Variants in KDR observed in about 807,000 individuals in gnomAD.
KDR encodes the protein vascular endothelial growth factor receptor 2.
A neutral mutation model predicts 160.9 loss-of-function variants in KDR; 43 were observed. The ratio of observed to expected loss-of-function variants is 0.27; its 90% CI spans 0.21 to 0.34. KDR has a LOEUF of 0.34. Ranked by LOEUF, KDR falls within the 10% of genes least tolerant of loss-of-function variation. KDR has a pLI of 1.00. For missense variants in KDR, 1,469 were observed against 1,666.4 expected (o/e 0.88, Z 2.06); for synonymous variants, 617 against 600.1 (o/e 1.03, Z -0.41).
rs529955023 is a variant in KDR at position 55,081,284 on chromosome 4, C to T, written c.3848+672G>A. Among the ~76,000 whole-genome samples, 62 of 152,144 alleles carry T rather than the reference C, an allele frequency of 4.1e-4. 1 individual carries two copies. The highest frequency in any genetic ancestry group is 3.4e-3 in the Middle Eastern group (1 of 292). ...GATTATAAGCAGATCAAAACCTCCT[C>T]TATTCTTACCTTTAGGTAAGAATAC... is the stretch of plus-strand genomic sequence containing the variant. On this transcript the variant is annotated intron_variant, in intron 29 of 29. Coordinates refer to ENST00000263923, the MANE Select transcript of KDR (RefSeq NM_002253.4).
At chr4:55,102,095 T>C in intron 14 of KDR, 67 bp from the exon 15 acceptor site, 1 of 1,603,360 alleles carries the variant, frequency 6.2e-7, no homozygotes, top group Non-Finnish European at 8.5e-7. Context: ...TTCAGGGAAA[T>C]TTAGAAAATA....
At chr4:55,098,082 A>T in intron 17 of KDR, 55 bp downstream of exon 17, 1 of 1,596,926 alleles carries the variant, frequency 6.3e-7, no homozygotes, top group Admixed American at 1.7e-5. Context: ...ATTCTAATGG[A>T]GGAAGAGATG....
chr4:55,082,511 G>T (rs902199058), intron 28 of KDR, 25 bp downstream of exon 28: 1 of 1,476,362 alleles, frequency 6.8e-7, no homozygotes, highest in Admixed American at 1.7e-5. Context: ...TTATTTCTAA[G>T]ACTATTTTTA....
In KDR at chr4:55,115,056, A is replaced by G. The variant is rs1396721390; in HGVS notation, c.490-14T>C. On this transcript the variant is annotated splice_polypyrimidine_tract_variant and intron_variant, in intron 4 of 29. Coordinates refer to ENST00000263923, the MANE Select transcript of KDR (RefSeq NM_002253.4). Reference sequence around the variant, plus strand: ...TTCTGGGTATCTCTGGGTAATAAAAAGACATATCAAATATTTAATCCAGTA... The same window carrying G: ...TTCTGGGTATCTCTGGGTAATAAAAGGACATATCAAATATTTAATCCAGTA... 2 of 1,605,978 alleles carry G rather than the reference A, an allele frequency of 1.2e-6. No individual in the cohort carries two copies. Among genetic ancestry groups the G allele is most frequent in the Non-Finnish European group, 8.5e-7 (1 of 1,173,200 alleles).
intron 24 of KDR, 95 bp from the exon 25 acceptor site, chr4:55,089,568 C>CT (rs1305670128): frequency 6.4e-6 from 8 of 1,244,578 alleles, no homozygotes; most frequent in South Asian, 1.2e-5. Context: ...ACCTATGTAT[C>CT]TATTTTTTTT....
At chr4:55,107,312 T>C (rs1431891046) in intron 10 of KDR, among the ~76,000 whole-genome samples, 1 of 152,132 alleles carries the variant, frequency 6.6e-6, no homozygotes, top group Non-Finnish European at 1.5e-5. Context: ...CATGATAAGC[T>C]GGGCCTGAGA....
At chr4:55,104,573 G>T in intron 13 of KDR, 70 bp downstream of exon 13, 2 of 1,170,474 alleles carry the variant, frequency 1.7e-6, no homozygotes, top group Non-Finnish European at 1.3e-6. Context: ...TCTTTGCATA[G>T]CACCTGAATT....
At chr4:55,105,025 T>C in intron 12 of KDR, 41 bp from the exon 13 acceptor site, 1 of 1,502,590 alleles carries the variant, frequency 6.7e-7, no homozygotes, top group Non-Finnish European at 9.2e-7. Flanking sequence ...GTGATTTAAC[T>C]TGGTACAGCT....
At chr4:55,099,389 C>G (rs1346579051) in intron 15 of KDR, among the ~76,000 whole-genome samples, 7 of 151,984 alleles carry the variant, frequency 4.6e-5, no homozygotes, top group Admixed American at 4.6e-4. Flanking sequence ...CAATAAAATT[C>G]TTAAGTAATT....
intron 15 of KDR, among the ~76,000 whole-genome samples, chr4:55,099,837 A>T (rs1267268833): frequency 2.0e-5 from 3 of 152,060 alleles, no homozygotes; most frequent in Non-Finnish European, 4.4e-5. Flanking sequence ...TACATACACT[A>T]CCCCATCCCT....
Position 55,079,013 on chromosome 4 carries a change from C to A in KDR, c.*928G>T, listed in dbSNP as rs990323923. 6.0e-5 allele frequency: 14 copies of A among 233,142 alleles called. No homozygotes were observed. The highest frequency in any genetic ancestry group is 2.2e-5 in the African/African-American group (1 of 45,338). The allele number at this position is 233,142 out of a possible 1,614,324, so 14.4% of individuals were successfully genotyped here. On this transcript the variant is annotated 3_prime_UTR_variant, in exon 30 of 30. Transcript: ENST00000263923. ...ACACACAGCTTCACATTGAACCTCC[C>A]GCATTCAGTCTCAGACATATCACAT... is the stretch of plus-strand genomic sequence containing the variant.
chr4:55,124,870 C>T (rs924571652), intron 1 of KDR, among the ~76,000 whole-genome samples: 3 of 152,168 alleles, frequency 2.0e-5, no homozygotes, highest in Non-Finnish European at 4.4e-5. Flanking sequence ...AACTTTTCAC[C>T]GCCTGTTCTC....
chr4:55,107,496 G>T (rs1720473767), intron 10 of KDR, among the ~76,000 whole-genome samples: 1 of 152,184 alleles, frequency 6.6e-6, no homozygotes, highest in African/African-American at 2.4e-5. Flanking sequence ...TGTGTTTGGA[G>T]AAGTGTACCT....
chr4:55,097,419 T>C (rs1197845027), intron 18 of KDR, among the ~76,000 whole-genome samples: 1 of 152,172 alleles, frequency 6.6e-6, no homozygotes, highest in Non-Finnish European at 1.5e-5. Context: ...GGCTGAGCCC[T>C]GCACGAGGGT....
chr4:55,101,794 C>T, intron 15 of KDR, 103 bp downstream of exon 15: 2 of 1,006,804 alleles, frequency 2.0e-6, no homozygotes, highest in Non-Finnish European at 3.1e-6. Context: ...TAATGGCTTC[C>T]AGCTCCATCC....
intron 20 of KDR, 87 bp from the exon 21 acceptor site, chr4:55,095,042 G>A (rs553084690): frequency 7.8e-7 from 1 of 1,288,014 alleles, no homozygotes; most frequent in South Asian, 1.2e-5. Context: ...AGTAAACCAT[G>A]GAGATAATTG....
At position 55,095,562 on chromosome 4, in the gene KDR, TAGG is replaced by T. The variant is rs562331098; in HGVS notation, c.2817+12_2817+14del. On this transcript the variant is annotated intron_variant, in intron 20 of 29. Coordinates refer to ENST00000263923, the MANE Select transcript of KDR (RefSeq NM_002253.4). Reference sequence around the variant, plus strand: ...TTTTATAACATGGCCAGAGCAGGATTAGGAGATGACATACCTTGTAGGGGACAA... The same window carrying T: ...TTTTATAACATGGCCAGAGCAGGATTAGATGACATACCTTGTAGGGGACAA... 120 of 1,556,344 alleles carry T rather than the reference TAGG, an allele frequency of 7.7e-5. No homozygotes were observed. In the African/African-American group the frequency reaches 1.3e-3, roughly 17 times the overall value.
intron 1 of KDR, chr4:55,123,066 CA>C (rs1462058437): frequency 1.3e-5 from 2 of 152,140 alleles, no homozygotes; most frequent in African/African-American, 4.8e-5. Context: ...CCACTGCACC[CA>C]GCCTGCACAG....
intron 15 of KDR, among the ~76,000 whole-genome samples, chr4:55,099,578 A>G (rs1290947107): frequency 2.0e-5 from 3 of 152,228 alleles, no homozygotes; most frequent in African/African-American, 7.2e-5. Flanking sequence ...CAGAGTTTGC[A>G]AAAGGATCAC....
Sources: allele counts gnomAD v4.1 joint callset (sites outside exome capture counted in the v4.1 genomes callset), GRCh38; gene constraint gnomAD v4.1.1; transcripts MANE v1.5; gene names NCBI Gene and HGNC (gene_info 2026-07-23, HGNC 2026-07-21).